XRCC5: variants seen among roughly 807,000 people sequenced by gnomAD.
XRCC5 encodes DNA repair protein Ku80.
In XRCC5, 12 loss-of-function variants were observed where a neutral mutation model predicts 95.7. That is an observed-to-expected ratio of 0.13 (90% CI 0.08 to 0.20). XRCC5 has a LOEUF of 0.20. Among genes scored for constraint, XRCC5 ranks in the 10% least tolerant of loss-of-function variants. The pLI is 1.00. For missense variants in XRCC5, 595 were observed against 873.9 expected (o/e 0.68, Z 4.02); for synonymous variants, 281 against 290.3 (o/e 0.97, Z 0.33).
intron 14 of XRCC5, among the ~76,000 whole-genome samples, chr2:216,159,265 C>T (rs551346190): frequency 6.6e-6 from 1 of 152,256 alleles, no homozygotes; most frequent in African/African-American, 2.4e-5. Flanking sequence ...TCTTTATGTT[C>T]AGCAGCTTAA....
intron 6 of XRCC5, among the ~76,000 whole-genome samples, chr2:216,124,454 C>G (rs1228874905): frequency 6.6e-6 from 1 of 152,140 alleles, no homozygotes; most frequent in Non-Finnish European, 1.5e-5. Flanking sequence ...AGAATTTTCC[C>G]TGAAATAGAA....
At position 216,161,723 on chromosome 2, in the gene XRCC5, T is replaced by C. The variant is rs967823077; in HGVS notation, c.1765-256T>C. Among the ~76,000 whole-genome samples the C allele has an allele frequency of 2.0e-5, 3 of 152,182 alleles. No homozygotes were observed. In the East Asian group the frequency reaches 5.8e-4, roughly 29 times the overall value. The stretch of plus-strand genomic sequence containing the variant: ...GGCTGGTGGCTTGAGTTGTAATACT[T>C]TTTTGACCCTTCTGGAAAGAAATCA... On this transcript the variant is annotated intron_variant, in intron 15 of 20. Coordinates refer to ENST00000392132, the MANE Select transcript of XRCC5 (RefSeq NM_021141.4).
At chr2:216,187,861 T>TCTCTCCCCCC (rs143232624) in intron 16 of XRCC5, among the ~76,000 whole-genome samples, 15 of 116,272 alleles carry the variant, frequency 1.3e-4, no homozygotes, top group African/African-American at 5.9e-4. Flanking sequence ...TCTCTCTCTC[T>TCTCTCCCCCC]CCCCGTCTCC....
Position 216,192,682 on chromosome 2 carries a change from A to T in XRCC5, c.1988A>T (p.Gln663Leu), listed in dbSNP as rs1689638222. 1 of 1,601,206 alleles carries T rather than the reference A, an allele frequency of 6.2e-7. No homozygotes were observed. Among genetic ancestry groups the T allele is most frequent in the African/African-American group, 1.3e-5 (1 of 74,564 alleles). ...QRFNNFLKALQEKVEIKQLNH... is the reference protein window; with the variant it reads ...QRFNNFLKALLEKVEIKQLNH... Reference sequence around the variant, plus strand: ...TTTAACAACTTCCTGAAAGCCCTTCAAGAGAAAGTGGAAATTAAACAATTA... The same window carrying T: ...TTTAACAACTTCCTGAAAGCCCTTCTAGAGAAAGTGGAAATTAAACAATTA... Residue 663 changes from glutamine (Q) to leucine (L), a missense_variant, in exon 18 of 21, where the codon CAA becomes CTA. By Grantham distance (113) the Gln-to-Leu change is moderately radical. Coordinates refer to ENST00000392132, the MANE Select transcript of XRCC5 (RefSeq NM_021141.4).
At chr2:216,146,401 TCCAGGGGA>T (rs1289892217) in intron 13 of XRCC5, among the ~76,000 whole-genome samples, 1 of 152,146 alleles carries the variant, frequency 6.6e-6, no homozygotes, top group Non-Finnish European at 1.5e-5. Flanking sequence ...AGGAAAGGAG[TCCAGGGGA>T]CCAGGGGATA....
chr2:216,156,354 T>G (rs927584831), intron 14 of XRCC5: 1 of 699,454 alleles, frequency 1.4e-6, no homozygotes, highest in African/African-American at 1.8e-5. Context: ...CAGTCTCTTC[T>G]GCTGTTGTGG....
rs181163193 is a variant in XRCC5, at chr2:216,201,266, A to T, written c.2110-3056A>T. On this transcript the variant is annotated intron_variant, in intron 19 of 20. Transcript: ENST00000392132. Reference sequence around the variant, plus strand: ...ATATATGTCATTTTAGGCAAAGTACATGCAAACTGACTTTTATTCTTTTTG... The same window carrying T: ...ATATATGTCATTTTAGGCAAAGTACTTGCAAACTGACTTTTATTCTTTTTG... Among the ~76,000 whole-genome samples the T allele has an allele frequency of 1.1e-3, 175 of 152,308 alleles. 1 individual carries two copies. The highest frequency in any genetic ancestry group is 2.6e-4 in the Admixed American group (4 of 15,292).
intron 13 of XRCC5, among the ~76,000 whole-genome samples, chr2:216,142,042 A>C (rs1356642997): frequency 4.6e-5 from 7 of 152,012 alleles, no homozygotes; most frequent in Admixed American, 4.6e-4. Context: ...CGGCAGAATG[A>C]GACCGAGTCT....
Position 216,132,325 on chromosome 2 carries a change from G to A in XRCC5, c.1051G>A (p.Val351Ile). Residue 351 changes from valine to isoleucine, a missense_variant and splice_region_variant, in exon 10 of 21, where the codon GTT becomes ATT. Val to Ile is a conservative substitution (Grantham distance 29, BLOSUM62 3). Around this residue, in one of 2 missense-constraint regions of XRCC5, gnomAD observed 286 missense variants for 491.1 expected, o/e 0.58. Coordinates refer to ENST00000392132, the MANE Select transcript of XRCC5 (RefSeq NM_021141.4). ...AAGCAATTCTTTTCCTCTCTTGTAG[G>A]TTCAGAGAAGATTCTTCATGGGAAA... ...SVLGFCKSSQ[V>I]QRRFFMGNQV... 2 of 1,613,782 alleles carry A rather than the reference G, an allele frequency of 1.2e-6. No homozygotes were observed. The highest frequency in any genetic ancestry group is 1.7e-6 in the Non-Finnish European group (2 of 1,179,742).
intron 14 of XRCC5, among the ~76,000 whole-genome samples, chr2:216,152,297 T>G (rs1559248812): frequency 6.6e-6 from 1 of 152,046 alleles, no homozygotes. Flanking sequence ...AAAAATTGGT[T>G]GGCTGTGGTG....
chr2:216,116,586 C>T (rs1403305500), intron 2 of XRCC5, 73 bp from the exon 3 acceptor site: 1 of 1,576,836 alleles, frequency 6.3e-7, no homozygotes, highest in African/African-American at 1.3e-5. Context: ...TGTCCTGCTC[C>T]CTGAAGGTTA....
intron 16 of XRCC5, among the ~76,000 whole-genome samples, chr2:216,183,629 C>G (rs1296028692): frequency 6.6e-6 from 1 of 152,124 alleles, no homozygotes; most frequent in Non-Finnish European, 1.5e-5. Context: ...CTGTGGTGTT[C>G]TCTCTGTCGT....
chr2:216,151,807 T>C (rs1688750713), intron 14 of XRCC5, among the ~76,000 whole-genome samples: 1 of 151,878 alleles, frequency 6.6e-6, no homozygotes, highest in Admixed American at 6.6e-5. Flanking sequence ...GGCCAATAGG[T>C]GGTGTATTAG....
chr2:216,162,865 G>A (rs534306224), intron 16 of XRCC5, among the ~76,000 whole-genome samples: 10 of 152,188 alleles, frequency 6.6e-5, no homozygotes, highest in African/African-American at 2.4e-4. Flanking sequence ...TTTAGGCTGT[G>A]GCTAACATAA....
Position 216,199,962 on chromosome 2 carries a change from C to T in XRCC5, c.2110-4360C>T, listed in dbSNP as rs374075736. ...ATTTATCCTTCTTTATTGTTGTTGACATTTATGGATTTTCCACCTTAGTAT... is the reference window on the plus strand; with the variant it reads ...ATTTATCCTTCTTTATTGTTGTTGATATTTATGGATTTTCCACCTTAGTAT... On this transcript the variant is annotated intron_variant, in intron 19 of 20. Coordinates refer to ENST00000392132, the MANE Select transcript of XRCC5 (RefSeq NM_021141.4). Among the ~76,000 whole-genome samples, 44 of 152,008 alleles carry T rather than the reference C, an allele frequency of 2.9e-4. No homozygotes were observed. In the East Asian group the frequency reaches 6.2e-3, roughly 21 times the overall value.
intron 15 of XRCC5, 24 bp downstream of exon 15, chr2:216,160,185 C>CT (rs752346960): frequency 6.5e-7 from 1 of 1,530,492 alleles, no homozygotes; most frequent in South Asian, 1.2e-5. Flanking sequence ...TTCAAGTGCG[C>CT]TTCCCCCTTT....
At chr2:216,181,651 A>C (rs1048104519) in intron 16 of XRCC5, among the ~76,000 whole-genome samples, 1 of 152,188 alleles carries the variant, frequency 6.6e-6, no homozygotes, top group African/African-American at 2.4e-5. Flanking sequence ...TTGTAGTATG[A>C]CTCATTAGAT....
At chr2:216,175,064 C>A (rs1689247978) in intron 16 of XRCC5, 3 of 315,592 alleles carry the variant, frequency 9.5e-6, no homozygotes, top group Non-Finnish European at 1.9e-5. Context: ...CCACCACCAC[C>A]ATAGTTACCA....
chr2:216,177,670 C>G (rs1188176683), intron 16 of XRCC5, among the ~76,000 whole-genome samples: 1 of 152,104 alleles, frequency 6.6e-6, no homozygotes, highest in African/African-American at 2.4e-5. Context: ...TACATCAAGT[C>G]TTAGTTCAAT....
Sources: allele counts gnomAD v4.1 joint callset (sites outside exome capture counted in the v4.1 genomes callset), GRCh38; gene constraint gnomAD v4.1.1; regional missense constraint gnomAD v4.1.1; transcripts MANE v1.5; gene names NCBI Gene and HGNC (gene_info 2026-07-23, HGNC 2026-07-21).